The following ST6GALNAC6 variants were observed in gnomAD, a reference collection of about 807,000 sequenced individuals.
ST6GALNAC6 encodes ST6 N-acetylgalactosaminide alpha-2,6-sialyltransferase 6.
A neutral mutation model predicts 34.3 loss-of-function variants in ST6GALNAC6; 19 were observed. That is an observed-to-expected ratio of 0.55 (90% CI 0.39 to 0.81). The LOEUF (loss-of-function observed/expected upper bound fraction) is 0.81. ST6GALNAC6 is among the 40% of genes least tolerant of loss of function. The pLI is 0.00. For synonymous variants in ST6GALNAC6, 185 were observed against 182.1 expected, an observed-to-expected ratio of 1.02 and a Z score of -0.13; for missense variants, 377 against 467.7, an observed-to-expected ratio of 0.81 and a Z score of 1.79.
At chr9:127,897,481 CT>C in intron 2 of ST6GALNAC6, 1 of 971,990 alleles carries the variant, frequency 1.0e-6, no homozygotes, top group Non-Finnish European at 1.2e-6. Context: ...GCCCCGCCCC[CT>C]CTCCAACCCC....
At chr9:127,895,549 T>C (rs1830401197) in intron 3 of ST6GALNAC6, among the ~76,000 whole-genome samples, 1 of 152,238 alleles carries the variant, frequency 6.6e-6, no homozygotes, top group Non-Finnish European at 1.5e-5. Context: ...TCTCAGCCTT[T>C]ATGGGGGCAG....
intron 3 of ST6GALNAC6, among the ~76,000 whole-genome samples, chr9:127,895,195 G>A (rs1830379403): frequency 6.6e-6 from 1 of 152,214 alleles, no homozygotes. Context: ...TCCCTTGTCA[G>A]TTAGCTGCAT....
intron 6 of ST6GALNAC6, 103 bp downstream of exon 6, chr9:127,887,381 G>T: frequency 1.2e-6 from 1 of 823,686 alleles, no homozygotes; most frequent in Non-Finnish European, 2.0e-6. Flanking sequence ...TGAAGCAGAG[G>T]CCCTCAAAGG....
chr9:127,890,638 T>C lies in ST6GALNAC6; in HGVS notation c.703A>G (p.Arg235Gly). The C allele has an allele frequency of 1.2e-6, 2 of 1,613,142 alleles. No homozygotes were observed. Among genetic ancestry groups the C allele is most frequent in the Non-Finnish European group, 1.7e-6 (2 of 1,180,030 alleles). ...AGGGGGCAGGCAGGAGGCTGGTACC[T>C]GTCCTTGCCCGTCTCACCCCGGAAG... ...DLFRGETGKD[R>G]EKSHSWLSTG... Residue 235 changes from arginine to glycine, a missense_variant and splice_region_variant, in exon 5 of 7, where the codon AGG becomes GGG. Arg to Gly is a moderately radical substitution (Grantham distance 125). Coordinates refer to ENST00000373146, the MANE Select transcript of ST6GALNAC6 (RefSeq NM_013443.5). The surrounding 1 kb of genome is among the most constrained non-coding windows in gnomAD (Gnocchi z 4.3).
At chr9:127,891,375 G>A (rs113817373) in intron 4 of ST6GALNAC6, among the ~76,000 whole-genome samples, 7,038 of 152,166 alleles carry the variant, frequency 0.046, 246 homozygotes, top group African/African-American at 0.097. Flanking sequence ...CAGCACTTTG[G>A]GAGGCCGAGG....
chr9:127,894,808 A>G, intron 3 of ST6GALNAC6, 117 bp from the exon 4 acceptor site: 4 of 1,174,094 alleles, frequency 3.4e-6, no homozygotes, highest in Non-Finnish European at 4.8e-6. Flanking sequence ...CAGGTCAGGC[A>G]CTACTTCCTC....
chr9:127,895,938 C>T (rs1423650621), intron 3 of ST6GALNAC6, among the ~76,000 whole-genome samples: 2 of 152,188 alleles, frequency 1.3e-5, no homozygotes, highest in Non-Finnish European at 2.9e-5. Flanking sequence ...TCCACCTGCC[C>T]ACCCCTCTCT....
Position 127,894,403 on chromosome 9 carries a change from G to A in ST6GALNAC6, c.297+109C>T, listed in dbSNP as rs563568850. 4.2e-4 allele frequency: 575 copies of A among 1,363,290 alleles called. 1 individual carries two copies. The highest frequency in any genetic ancestry group is 2.5e-3 in the African/African-American group (174 of 69,134). 84.4% of individuals were successfully genotyped at this position (1,363,290 alleles called of 1,614,324 possible). A position where few individuals can be genotyped will look rare whatever the true frequency, so the allele number is the denominator to read the frequency against. Reference sequence around the variant, plus strand: ...CAGCAAGCAGCAAGATGAAATCACCGGAGGCAGGGCCTTGACTCTCAGGGT... The same window carrying A: ...CAGCAAGCAGCAAGATGAAATCACCAGAGGCAGGGCCTTGACTCTCAGGGT... On this transcript the variant is annotated intron_variant, in intron 4 of 6. Transcript: ENST00000373146.
At chr9:127,899,399 T>C in intron 1 of ST6GALNAC6, 104 bp downstream of exon 1, 1 of 638,206 alleles carries the variant, frequency 1.6e-6, no homozygotes, top group South Asian at 6.6e-5. Context: ...CCCGCATCCA[T>C]CCCCATCCCC....
chr9:127,896,632 C>A (rs896580105), intron 2 of ST6GALNAC6, among the ~76,000 whole-genome samples: 12 of 152,210 alleles, frequency 7.9e-5, no homozygotes, highest in Non-Finnish European at 1.8e-4. Context: ...GACCTCCACG[C>A]AGTAGGAGCC....
At chr9:127,899,459 C>G in intron 1 of ST6GALNAC6, 44 bp downstream of exon 1, 7 of 857,030 alleles carry the variant, frequency 8.2e-6, no homozygotes, top group Non-Finnish European at 8.4e-6. Flanking sequence ...GCCCCCGCCT[C>G]CGCCCCCGCC....
chr9:127,891,136 GC>G, intron 4 of ST6GALNAC6, 93 bp from the exon 5 acceptor site: 1 of 1,421,114 alleles, frequency 7.0e-7, no homozygotes, highest in Non-Finnish European at 9.5e-7. Flanking sequence ...GAATTGTTAT[GC>G]CCATTTTAAA....
chr9:127,897,391 C>G, intron 2 of ST6GALNAC6: 4 of 986,408 alleles, frequency 4.1e-6, no homozygotes, highest in Non-Finnish European at 3.6e-6. Flanking sequence ...TACTCCTACA[C>G]GGCCACCAGG....
chr9:127,901,126 A>G (rs1425124733), upstream of ST6GALNAC6, among the ~76,000 whole-genome samples: 2 of 151,958 alleles, frequency 1.3e-5, no homozygotes, highest in African/African-American at 4.8e-5. Flanking sequence ...CAGCATCGCT[A>G]TGGGGAAAAA....
At chr9:127,896,863 C>G (rs189026246) in intron 2 of ST6GALNAC6, 17 of 985,154 alleles carry the variant, frequency 1.7e-5, no homozygotes, top group South Asian at 4.7e-5. Flanking sequence ...GAGCTGCCTG[C>G]GGGATACAGC....
At chr9:127,888,891 C>G (rs1237074753) in intron 5 of ST6GALNAC6, among the ~76,000 whole-genome samples, 3 of 152,322 alleles carry the variant, frequency 2.0e-5, no homozygotes, top group Non-Finnish European at 2.9e-5. Context: ...GAAGTCCACT[C>G]TCACCATTTC....
At chr9:127,905,192 C>T in intron 1 of ST6GALNAC6, 1 of 984,408 alleles carries the variant, frequency 1.0e-6, no homozygotes, top group Non-Finnish European at 1.2e-6. Context: ...GGGGAGGCTC[C>T]TGCCCTGGGC....
At chr9:127,902,095 T>C (rs1404860264), upstream of ST6GALNAC6, among the ~76,000 whole-genome samples, 3 of 152,192 alleles carry the variant, frequency 2.0e-5, no homozygotes, top group East Asian at 5.8e-4. Context: ...ATCACAATAT[T>C]TTAAAAGATG....
chr9:127,896,705 G>C (rs931817052), intron 2 of ST6GALNAC6, among the ~76,000 whole-genome samples: 2 of 152,138 alleles, frequency 1.3e-5, no homozygotes, highest in Non-Finnish European at 1.5e-5. Context: ...AAACAACACC[G>C]CTTGTAGGCC....
Sources: gnomAD v4.1 joint callset for allele counts (sites outside exome capture counted in the v4.1 genomes callset) on GRCh38, gnomAD v4.1.1 for gene constraint, Gnocchi (gnomAD v3.1) non-coding constraint, MANE v1.5 for transcripts, NCBI Gene and HGNC (gene_info 2026-07-23, HGNC 2026-07-21) for gene names.